The following WIPF2 variants were observed in gnomAD, a reference collection of about 807,000 sequenced individuals.
WIPF2 encodes WAS/WASL-interacting protein family member 2.
In WIPF2, 23 loss-of-function variants were observed where a neutral mutation model predicts 38.8. That is an observed-to-expected ratio of 0.59 (90% CI 0.43 to 0.84). The LOEUF is 0.84. WIPF2 is among the 40% of genes least tolerant of loss of function. The pLI is 0.00. For missense variants in WIPF2, 574 were observed against 580.5 expected, an observed-to-expected ratio of 0.99 and a Z score of 0.11; for synonymous variants, 210 against 223.2, an observed-to-expected ratio of 0.94 and a Z score of 0.53.
Position 40,229,187 on chromosome 17 carries a change from C to T in WIPF2, c.-70+9695C>T, listed in dbSNP as rs55970279. Among the ~76,000 whole-genome samples, 348 of 151,924 alleles carry T rather than the reference C, an allele frequency of 2.3e-3. 2 individuals are homozygous for T. Among genetic ancestry groups the T allele is most frequent in the African/African-American group, 8.0e-3 (333 of 41,408 alleles). ...AGTGCAATGGCATGATCTCAACTCA[C>T]CGCAACCTCTGCCTCCCGGGTTCAA... On this transcript the variant is annotated intron_variant, in intron 1 of 7. Transcript: ENST00000323571.
rs2032310114 is a variant in WIPF2 at position 40,273,814 on chromosome 17, T to C, written c.995T>C (p.Ile332Thr). 1.2e-6 allele frequency: 2 copies of C among 1,607,418 alleles called. No individual in the cohort carries two copies. Among genetic ancestry groups the C allele is most frequent in the Non-Finnish European group, 1.7e-6 (2 of 1,175,742 alleles). ...GCTCCTCCACCCCCACCACCTGTGA[T>C]CCGAAATGGTGCCAGGGATGCTCCC... ...GAAPPPPPPVIRNGARDAPPP... is the reference protein window; with the variant it reads ...GAAPPPPPPVTRNGARDAPPP... The change falls in exon 6 of 8, where the codon ATC (isoleucine) becomes ACC (threonine). Residue 332 changes from isoleucine (I) to threonine (T), a missense_variant. Transcript: ENST00000323571.
intron 6 of WIPF2, 112 bp from the exon 7 acceptor site, chr17:40,276,969 TCA>T (rs1262605930): frequency 1.1e-6 from 1 of 919,008 alleles, no homozygotes; most frequent in Non-Finnish European, 1.7e-6. Context: ...CAGTAGGTCC[TCA>T]CAGTACCTCA....
intron 1 of WIPF2, among the ~76,000 whole-genome samples, chr17:40,227,281 T>C (rs2030535629): frequency 2.0e-5 from 3 of 152,194 alleles, no homozygotes; most frequent in African/African-American, 7.2e-5. Context: ...CCTCGTGATC[T>C]GCCTGCCTCG....
Position 40,256,537 on chromosome 17 carries a change from C to G in WIPF2, c.63+15C>G. The G allele has an allele frequency of 6.3e-7, 1 of 1,599,282 alleles. No homozygotes were observed. The highest frequency in any genetic ancestry group is 1.1e-5 in the South Asian group (1 of 88,124). On this transcript the variant is annotated intron_variant, in intron 2 of 7. Coordinates refer to ENST00000323571, the MANE Select transcript of WIPF2 (RefSeq NM_133264.5). ...CATTTCATCAGGTAGGTAGTCCTTC[C>G]ATTAGGCTATCTCAAAACCTTTGAG...
chr17:40,237,533 C>T (rs1010489827), intron 1 of WIPF2, among the ~76,000 whole-genome samples: 3 of 152,044 alleles, frequency 2.0e-5, no homozygotes, highest in Admixed American at 6.6e-5. Flanking sequence ...TGAGCTACCA[C>T]GCCCAACCCT....
At chr17:40,240,106 G>T (rs1357148830) in intron 1 of WIPF2, among the ~76,000 whole-genome samples, 1 of 151,544 alleles carries the variant, frequency 6.6e-6, no homozygotes, top group East Asian at 1.9e-4. Context: ...CTGTTGCCCG[G>T]GCTGGAGTGC....
chr17:40,259,930 ATACATAGTGTCT>A (rs2031844881), intron 2 of WIPF2, among the ~76,000 whole-genome samples: 1 of 152,218 alleles, frequency 6.6e-6, no homozygotes, highest in Non-Finnish European at 1.5e-5. Flanking sequence ...AATGTCTAAC[ATACATAGTGTCT>A]TAACATGCAG....
chr17:40,256,373 T>C lies in WIPF2; in HGVS notation c.-69-18T>C. On this transcript the variant is annotated intron_variant, in intron 1 of 7. Coordinates refer to ENST00000323571, the MANE Select transcript of WIPF2 (RefSeq NM_133264.5). ...TAATGGTAAAGCTGTTCTTAATGAG[T>C]TTCTTTTTCATTTGCAGGTATATGA... 1.3e-6 allele frequency: 2 copies of C among 1,552,512 alleles called. No homozygotes were observed. Among genetic ancestry groups the C allele is most frequent in the Non-Finnish European group, 1.7e-6 (2 of 1,159,434 alleles).
chr17:40,277,267 C>T lies in WIPF2; in HGVS notation c.1282+83C>T, dbSNP rs903513292. 2.0e-4 allele frequency: 243 copies of T among 1,242,814 alleles called. 1 individual carries two copies. The highest frequency in any genetic ancestry group is 2.5e-4 in the Non-Finnish European group (218 of 880,394). The allele number at this position is 1,242,814 out of a possible 1,614,324, so 77.0% of individuals were successfully genotyped here. A position where few individuals can be genotyped will look rare whatever the true frequency, so the allele number is the denominator to read the frequency against. On this transcript the variant is annotated intron_variant, in intron 7 of 7. Coordinates refer to ENST00000323571, the MANE Select transcript of WIPF2 (RefSeq NM_133264.5). Reference sequence around the variant, plus strand: ...TTTTCTTAGGTTAAAATTTGCTTCTCGCTGGGCACAGTGGCTCATACCTAT... The same window carrying T: ...TTTTCTTAGGTTAAAATTTGCTTCTTGCTGGGCACAGTGGCTCATACCTAT...
At chr17:40,262,430 C>T (rs1466153928) in intron 3 of WIPF2, 95 bp from the exon 4 acceptor site, 19 of 969,402 alleles carry the variant, frequency 2.0e-5, no homozygotes, top group Non-Finnish European at 2.7e-5. Flanking sequence ...TGTTTGCAAG[C>T]GATAGCCCAG....
At chr17:40,231,670 G>A (rs1289290765) in intron 1 of WIPF2, among the ~76,000 whole-genome samples, 9 of 151,926 alleles carry the variant, frequency 5.9e-5, no homozygotes, top group Admixed American at 1.3e-4. Flanking sequence ...TGATCCACCC[G>A]CCTTGGCGCC....
chr17:40,270,476 G>A (rs1230110328), intron 5 of WIPF2, among the ~76,000 whole-genome samples: 1 of 152,016 alleles, frequency 6.6e-6, no homozygotes, highest in African/African-American at 2.4e-5. Flanking sequence ...AAGCCAAACA[G>A]ATCACTCTTA....
intron 5 of WIPF2, among the ~76,000 whole-genome samples, chr17:40,266,565 A>G (rs933820082): frequency 1.3e-5 from 2 of 152,162 alleles, no homozygotes; most frequent in Non-Finnish European, 1.5e-5. Flanking sequence ...GAGGAGAGAA[A>G]TTGGAGATAG....
chr17:40,224,342 C>G (rs1474570225), intron 1 of WIPF2, among the ~76,000 whole-genome samples: 5 of 149,948 alleles, frequency 3.3e-5, no homozygotes, highest in African/African-American at 4.9e-5. Context: ...CGCCATTCTC[C>G]TGCCTCAGCC....
At chr17:40,266,543 A>G (rs1367340612) in intron 5 of WIPF2, among the ~76,000 whole-genome samples, 2 of 152,168 alleles carry the variant, frequency 1.3e-5, no homozygotes, top group Non-Finnish European at 2.9e-5. Flanking sequence ...GGGTTCAAGA[A>G]TGCAGGAATA....
At chr17:40,228,941 T>TC (rs1476603388) in intron 1 of WIPF2, among the ~76,000 whole-genome samples, 1 of 151,642 alleles carries the variant, frequency 6.6e-6, no homozygotes, top group Non-Finnish European at 1.5e-5. Flanking sequence ...TGGAAGACTT[T>TC]TTTTTTTTAG....
chr17:40,247,368 G>T, intron 1 of WIPF2, among the ~76,000 whole-genome samples: 1 of 150,882 alleles, frequency 6.6e-6, no homozygotes, highest in East Asian at 2.0e-4. Flanking sequence ...ACAGGTGCGT[G>T]CCACCAAGCC....
At chr17:40,242,883 C>T (rs1462783183) in intron 1 of WIPF2, among the ~76,000 whole-genome samples, 1 of 152,162 alleles carries the variant, frequency 6.6e-6, no homozygotes, top group East Asian at 1.9e-4. Flanking sequence ...TCAGTGCTTT[C>T]AGGATAATGA....
At chr17:40,247,932 C>A (rs1292390942) in intron 1 of WIPF2, among the ~76,000 whole-genome samples, 1 of 152,140 alleles carries the variant, frequency 6.6e-6, no homozygotes, top group Non-Finnish European at 1.5e-5. Context: ...CCAGTTTTAA[C>A]AAAACCTACC....
Sources: allele counts gnomAD v4.1 joint callset (sites outside exome capture counted in the v4.1 genomes callset), GRCh38; gene constraint gnomAD v4.1.1; transcripts MANE v1.5; gene names NCBI Gene and HGNC (gene_info 2026-07-23, HGNC 2026-07-21).